TBC1D4: variants seen among roughly 807,000 people sequenced by gnomAD.
TBC1D4 encodes the protein TBC (Tre-2, BUB2, CDC16) domain-containing protein.
Under a neutral mutation model 142.5 loss-of-function variants are expected in TBC1D4, and 121 were observed. The ratio of observed to expected loss-of-function variants is 0.85; its 90% CI spans 0.73 to 0.99. The LOEUF (loss-of-function observed/expected upper bound fraction) is 0.99, where lower values mean the gene tolerates loss of function less well. Ranked by LOEUF, TBC1D4 falls within the 50% of genes least tolerant of loss-of-function variation. The probability of loss-of-function intolerance (pLI) is 0.00; values close to 1 mark genes in which losing one functional copy is unlikely to be tolerated. For missense variants in TBC1D4, 1,475 were observed against 1,606.6 expected (o/e 0.92, Z 1.40); for synonymous variants, 630 against 628.2 (o/e 1.00, Z -0.04).
chr13:75,388,958 A>G (rs1267578072), intron 1 of TBC1D4, among the ~76,000 whole-genome samples: 1 of 152,230 alleles, frequency 6.6e-6, no homozygotes, highest in Non-Finnish European at 1.5e-5. Flanking sequence ...CAAATTTATT[A>G]TTAGCAGCTC....
Position 75,289,122 on chromosome 13 carries a change from G to C in TBC1D4, c.3487-12C>G. 1 of 1,613,270 alleles carries C rather than the reference G, an allele frequency of 6.2e-7. No individual in the cohort carries two copies. Among genetic ancestry groups the C allele is most frequent in the Non-Finnish European group, 8.5e-7 (1 of 1,179,594 alleles). On this transcript the variant is annotated splice_polypyrimidine_tract_variant and intron_variant, in intron 19 of 20. Coordinates refer to ENST00000377636, the MANE Select transcript of TBC1D4 (RefSeq NM_014832.5). The stretch of plus-strand genomic sequence containing the variant: ...TCCATCTCAAAAACCTGCCATGAAA[G>C]TATCATGGGTTAGGCTAGCCTTTGG...
chr13:75,326,188 C>G lies in TBC1D4; in HGVS notation c.2033+9G>C, dbSNP rs1001474359. On this transcript the variant is annotated intron_variant, in intron 10 of 20. Coordinates refer to ENST00000377636, the MANE Select transcript of TBC1D4 (RefSeq NM_014832.5). ...ATCTAGGTCTCATTCTGGAGAGGGT[C>G]AGACTCACCTGCACTGTTCACTGGA... 6 of 1,613,862 alleles carry G rather than the reference C, an allele frequency of 3.7e-6. No individual in the cohort carries two copies. The highest frequency in any genetic ancestry group is 5.1e-6 in the Non-Finnish European group (6 of 1,179,960).
intron 1 of TBC1D4, among the ~76,000 whole-genome samples, chr13:75,429,896 G>A (rs1886526696): frequency 6.6e-6 from 1 of 152,114 alleles, no homozygotes; most frequent in Admixed American, 6.5e-5. Flanking sequence ...AACTTGAACA[G>A]AATAAATAGA....
At chr13:75,333,476 T>G (rs1405851727) in intron 8 of TBC1D4, among the ~76,000 whole-genome samples, 1 of 152,196 alleles carries the variant, frequency 6.6e-6, no homozygotes, top group Non-Finnish European at 1.5e-5. Context: ...TTGTTTCTCT[T>G]TTTTCATTTT....
chr13:75,478,195 AC>A (rs1463873654), intron 1 of TBC1D4, among the ~76,000 whole-genome samples: 1 of 152,058 alleles, frequency 6.6e-6, no homozygotes, highest in East Asian at 1.9e-4. Context: ...TATATTAGTA[AC>A]CACAATCCTC....
At chr13:75,302,604 C>G (rs527261075) in intron 15 of TBC1D4, 10 of 620,230 alleles carry the variant, frequency 1.6e-5, no homozygotes, top group Admixed American at 2.8e-5. Context: ...AAAACCCTCA[C>G]GCAACACTTA....
intron 1 of TBC1D4, among the ~76,000 whole-genome samples, chr13:75,455,101 C>T (rs1032247733): frequency 3.3e-5 from 5 of 152,162 alleles, no homozygotes; most frequent in African/African-American, 1.2e-4. Context: ...GGTTTTCCCT[C>T]CCTCCCATCC....
At chr13:75,380,099 G>A (rs1461234093) in intron 1 of TBC1D4, among the ~76,000 whole-genome samples, 7 of 151,168 alleles carry the variant, frequency 4.6e-5, no homozygotes, top group South Asian at 2.1e-4. Flanking sequence ...GGTAGGTCTC[G>A]AACTCCTGGC....
At chr13:75,450,211 C>T (rs1593899257) in intron 1 of TBC1D4, among the ~76,000 whole-genome samples, 1 of 152,262 alleles carries the variant, frequency 6.6e-6, no homozygotes, top group Non-Finnish European at 1.5e-5. Context: ...CTCACAGTGG[C>T]CATAGTTGCC....
At chr13:75,444,590 C>T (rs1887194565) in intron 1 of TBC1D4, among the ~76,000 whole-genome samples, 1 of 152,172 alleles carries the variant, frequency 6.6e-6, no homozygotes, top group South Asian at 2.1e-4. Flanking sequence ...TTACTGCACA[C>T]CCTGATGAAA....
At chr13:75,416,060 A>G (rs1367523841) in intron 1 of TBC1D4, among the ~76,000 whole-genome samples, 4 of 152,258 alleles carry the variant, frequency 2.6e-5, no homozygotes. Context: ...AATGCATAAC[A>G]AAGTTTAGCA....
chr13:75,443,904 C>A (rs1051669574), intron 1 of TBC1D4, among the ~76,000 whole-genome samples: 1 of 151,406 alleles, frequency 6.6e-6, no homozygotes, highest in African/African-American at 2.4e-5. Context: ...AAGATACAGA[C>A]GTGACAACAG....
At chr13:75,407,588 A>T (rs1173812013) in intron 1 of TBC1D4, among the ~76,000 whole-genome samples, 1 of 152,234 alleles carries the variant, frequency 6.6e-6, no homozygotes, top group Non-Finnish European at 1.5e-5. Flanking sequence ...GACTTGCAGA[A>T]TCTCGGCATC....
At chr13:75,405,993 G>A (rs1044680131) in intron 1 of TBC1D4, among the ~76,000 whole-genome samples, 2 of 152,128 alleles carry the variant, frequency 1.3e-5, no homozygotes, top group African/African-American at 4.8e-5. Context: ...TCTCTTCCCT[G>A]GGCTACCATT....
At chr13:75,345,444 G>C (rs1489723157) in intron 5 of TBC1D4, among the ~76,000 whole-genome samples, 1 of 152,184 alleles carries the variant, frequency 6.6e-6, no homozygotes. Flanking sequence ...AAACAACCCT[G>C]AGTGACTCAC....
intron 1 of TBC1D4, among the ~76,000 whole-genome samples, chr13:75,453,533 T>C (rs1050303104): frequency 3.3e-5 from 5 of 152,186 alleles, no homozygotes; most frequent in Admixed American, 6.5e-5. Context: ...TATGTATGTA[T>C]ACTTCCACTA....
intron 1 of TBC1D4, chr13:75,366,953 G>C: frequency 1.0e-6 from 1 of 985,394 alleles, no homozygotes; most frequent in Non-Finnish European, 1.2e-6. Context: ...AGGTGGTCAC[G>C]AAGAGCAATG....
intron 1 of TBC1D4, among the ~76,000 whole-genome samples, chr13:75,403,668 T>C (rs1049547172): frequency 6.6e-6 from 1 of 152,162 alleles, no homozygotes. Flanking sequence ...AAATTATAAT[T>C]TTTCCTCTTC....
chr13:75,325,695 T>G (rs1879174088), intron 10 of TBC1D4, among the ~76,000 whole-genome samples: 1 of 152,240 alleles, frequency 6.6e-6, no homozygotes, highest in Non-Finnish European at 1.5e-5. Context: ...ATCACCTTAT[T>G]CTAGATACAA....
Sources: gnomAD v4.1 joint callset for allele counts (sites outside exome capture counted in the v4.1 genomes callset) on GRCh38, gnomAD v4.1.1 for gene constraint, MANE v1.5 for transcripts, NCBI Gene and HGNC (gene_info 2026-07-23, HGNC 2026-07-21) for gene names.